Variants in MAGI1 observed in about 807,000 individuals in gnomAD.
MAGI1 encodes membrane associated guanylate kinase, WW and PDZ domain containing 1.
In MAGI1, 58 loss-of-function variants were observed where a neutral mutation model predicts 139.9. The observed-to-expected ratio is 0.41, with a 90% CI of 0.34 to 0.52. MAGI1 has a LOEUF of 0.52. Ranked by LOEUF, MAGI1 falls within the 20% of genes least tolerant of loss-of-function variation. The pLI is 0.12. For missense variants in MAGI1, 1,874 were observed against 1,901.6 expected (o/e 0.99, Z 0.27); for synonymous variants, 812 against 737.9 (o/e 1.10, Z -1.63).
intron 1 of MAGI1, 40 bp downstream of exon 1, chr3:66,037,956 C>T: frequency 6.6e-7 from 1 of 1,520,036 alleles, no homozygotes; most frequent in Non-Finnish European, 8.8e-7. Context: ...GACCACCCTC[C>T]TTTTCTCGGG....
intron 1 of MAGI1, among the ~76,000 whole-genome samples, chr3:65,664,405 A>G (rs1200614066): frequency 6.6e-6 from 1 of 152,196 alleles, no homozygotes; most frequent in East Asian, 1.9e-4. Context: ...TTCTCAGATC[A>G]TAATCTCATT....
intron 1 of MAGI1, among the ~76,000 whole-genome samples, chr3:66,015,347 C>A (rs1224739654): frequency 6.6e-6 from 1 of 152,114 alleles, no homozygotes; most frequent in East Asian, 1.9e-4. Context: ...AAGCACCTTA[C>A]GTCCTGCAGG....
intron 2 of MAGI1, among the ~76,000 whole-genome samples, chr3:65,493,857 GA>G (rs1458439620): frequency 1.3e-5 from 2 of 152,166 alleles, no homozygotes; most frequent in Non-Finnish European, 2.9e-5. Flanking sequence ...GGGAGAGAGA[GA>G]AAACCAAGCA....
chr3:65,600,138 T>C (rs1243379945), intron 2 of MAGI1, among the ~76,000 whole-genome samples: 4 of 152,244 alleles, frequency 2.6e-5, no homozygotes, highest in African/African-American at 9.6e-5. Flanking sequence ...ATGGAATTTG[T>C]ATTTTATTAG....
chr3:66,035,673 T>C (rs1010943176), intron 1 of MAGI1, among the ~76,000 whole-genome samples: 1 of 152,106 alleles, frequency 6.6e-6, no homozygotes, highest in African/African-American at 2.4e-5. Context: ...CCATTACAAG[T>C]AGATTCACGT....
rs992513171 is a variant in MAGI1, at chr3:65,611,490, TAC to T, written c.430+10480_430+10481del. ...TATATACTATACATACACACATGTA[TAC>T]ACACACATATACTATATATGTACAT... On this transcript the variant is annotated intron_variant, in intron 2 of 22. Coordinates refer to ENST00000402939, the MANE Select transcript of MAGI1 (RefSeq NM_001033057.2). Among the ~76,000 whole-genome samples the T allele has an allele frequency of 5.5e-5, 8 of 144,538 alleles. No individual in the cohort carries two copies. In the South Asian group the frequency reaches 6.4e-4, roughly 12 times the overall value. The allele number at this position is 144,538 out of a possible 152,430, so 94.8% of individuals were successfully genotyped here.
At chr3:65,363,060 C>T (rs1401167088) in intron 21 of MAGI1, among the ~76,000 whole-genome samples, 1 of 152,012 alleles carries the variant, frequency 6.6e-6, no homozygotes, top group Non-Finnish European at 1.5e-5. Context: ...ATAAGTAGAC[C>T]TCACTGCCCA....
At chr3:65,764,188 T>A (rs1349323721) in intron 1 of MAGI1, among the ~76,000 whole-genome samples, 4 of 151,652 alleles carry the variant, frequency 2.6e-5, no homozygotes. Context: ...AATCCTTAAA[T>A]ACAGTAATAA....
chr3:65,716,099 C>G, intron 1 of MAGI1, among the ~76,000 whole-genome samples: 1 of 152,324 alleles, frequency 6.6e-6, no homozygotes, highest in South Asian at 2.1e-4. Context: ...TTCGAGCCCC[C>G]TCAAATTGTT....
chr3:65,993,943 A>C (rs940817235), intron 1 of MAGI1, among the ~76,000 whole-genome samples: 1 of 152,086 alleles, frequency 6.6e-6, no homozygotes, highest in East Asian at 1.9e-4. Context: ...CCATCTCCTA[A>C]ATAAGAGAGG....
chr3:65,868,319 C>A (rs1009729164), intron 1 of MAGI1, among the ~76,000 whole-genome samples: 26 of 152,142 alleles, frequency 1.7e-4, no homozygotes, highest in Non-Finnish European at 2.4e-4. Flanking sequence ...TCTCAGCAAT[C>A]CTTACATCAA....
At chr3:66,030,806 A>G (rs2068548149) in intron 1 of MAGI1, among the ~76,000 whole-genome samples, 1 of 152,236 alleles carries the variant, frequency 6.6e-6, no homozygotes, top group Non-Finnish European at 1.5e-5. Context: ...GAAATGATTA[A>G]TAATGGATTA....
intron 2 of MAGI1, among the ~76,000 whole-genome samples, chr3:65,592,161 T>C (rs2081997332): frequency 6.6e-6 from 1 of 152,200 alleles, no homozygotes; most frequent in Non-Finnish European, 1.5e-5. Context: ...ACTTGTTGAA[T>C]AAATAAATAT....
chr3:65,726,629 T>C (rs1331311108), intron 1 of MAGI1, among the ~76,000 whole-genome samples: 8 of 152,176 alleles, frequency 5.3e-5, no homozygotes, highest in Admixed American at 1.3e-4. Flanking sequence ...CTTTTATACA[T>C]ACTGATCCAA....
intron 1 of MAGI1, among the ~76,000 whole-genome samples, chr3:65,786,748 A>C (rs573628460): frequency 1.3e-5 from 2 of 151,584 alleles, no homozygotes; most frequent in East Asian, 2.0e-4. Flanking sequence ...AGTAGCTGGG[A>C]CTACAGGCGC....
intron 1 of MAGI1, among the ~76,000 whole-genome samples, chr3:66,017,209 G>A (rs907385661): frequency 3.3e-5 from 5 of 152,280 alleles, no homozygotes. Flanking sequence ...TTGCACTGCC[G>A]GGAACCCCAA....
intron 1 of MAGI1, among the ~76,000 whole-genome samples, chr3:65,812,871 A>T (rs1575586714): frequency 6.6e-6 from 1 of 151,382 alleles, no homozygotes; most frequent in East Asian, 2.0e-4. Context: ...CACCACACCC[A>T]GCTAATTTTT....
intron 1 of MAGI1, among the ~76,000 whole-genome samples, chr3:66,011,259 G>A (rs540487636): frequency 2.1e-4 from 32 of 152,274 alleles, no homozygotes; most frequent in Non-Finnish European, 3.7e-4. Flanking sequence ...GAAAGGGAAC[G>A]GCCCAAGTAT....
At chr3:65,396,967 C>T (rs556513619) in intron 13 of MAGI1, among the ~76,000 whole-genome samples, 1 of 152,314 alleles carries the variant, frequency 6.6e-6, no homozygotes, top group East Asian at 1.9e-4. Flanking sequence ...TTCTGGTTCA[C>T]ATTGCATGTT....
Sources: gnomAD v4.1 joint callset for allele counts (sites outside exome capture counted in the v4.1 genomes callset) on GRCh38, gnomAD v4.1.1 for gene constraint, MANE v1.5 for transcripts, NCBI Gene and HGNC (gene_info 2026-07-23, HGNC 2026-07-21) for gene names.